Variants in IFT27 observed in about 807,000 individuals in gnomAD.
IFT27 encodes the protein intraflagellar transport protein 27 homolog.
IFT27 carries 19 observed loss-of-function variants against 23.9 expected under a neutral mutation model. The ratio of observed to expected loss-of-function variants is 0.79; its 90% confidence interval spans 0.55 to 1.16. IFT27 has a LOEUF of 1.16. Among genes scored for constraint, IFT27 ranks in the 50% most tolerant of loss-of-function variants. The pLI is 0.00. For synonymous variants in IFT27, 91 were observed against 89.1 expected (o/e 1.02, Z -0.12); for missense variants, 206 against 228.7 (o/e 0.90, Z 0.64).
At chr22:36,771,443 G>A (rs1203529095) in intron 1 of IFT27, among the ~76,000 whole-genome samples, 1 of 152,206 alleles carries the variant, frequency 6.6e-6, no homozygotes, top group African/African-American at 2.4e-5. Flanking sequence ...TTTGGAACTG[G>A]TTTGGTGTGT....
At chr22:36,766,088 GT>G in intron 4 of IFT27, 49 bp downstream of exon 4, 2 of 1,470,942 alleles carry the variant, frequency 1.4e-6, no homozygotes, top group Non-Finnish European at 1.9e-6. Context: ...AGGGGTAAAC[GT>G]TTTGGCAGGA....
intron 4 of IFT27, among the ~76,000 whole-genome samples, chr22:36,765,537 T>C (rs1938222384): frequency 6.6e-6 from 1 of 152,212 alleles, no homozygotes; most frequent in Admixed American, 6.5e-5. Flanking sequence ...AAAATGTGGC[T>C]GTTCTTGGAA....
chr22:36,764,015 A>AT lies in IFT27; in HGVS notation c.255dup (p.Cys86MetfsTer5), dbSNP rs1411714114. The stretch of plus-strand genomic sequence containing the variant: ...TCATTGGTCACATCATAGACGAGAC[A>AT]TAAGACATTGGGACTCTCCCACTGT... On this transcript the variant is annotated frameshift_variant, in exon 5 of 7. Transcript: ENST00000433985. LOFTEE classifies it high-confidence loss of function. 1.9e-6 allele frequency: 3 copies of AT among 1,613,870 alleles called. No homozygotes were observed. Among genetic ancestry groups the AT allele is most frequent in the Non-Finnish European group, 1.7e-6 (2 of 1,179,670 alleles).
rs749253638 is a variant in IFT27, at chr22:36,766,152, T to G, written c.220A>C (p.Met74Leu). Reference protein sequence around the residue: ...DSAGKELFSEMLDKLWESPNV... With the variant: ...DSAGKELFSELLDKLWESPNV... ...GTGCTACTTGCCAATTTATCCAGCATTTCCGAAAACAGCTCCTTGCCAGCA... is the reference window on the plus strand; with the variant it reads ...GTGCTACTTGCCAATTTATCCAGCAGTTCCGAAAACAGCTCCTTGCCAGCA... Residue 74 changes from methionine (M) to leucine (L), a missense_variant, in exon 4 of 7, where the codon ATG becomes CTG. Met to Leu is a conservative substitution (Grantham distance 15). Transcript: ENST00000433985. The G allele has an allele frequency of 6.2e-7, 1 of 1,614,156 alleles. No homozygotes were observed. Among genetic ancestry groups the G allele is most frequent in the Admixed American group, 1.7e-5 (1 of 60,030 alleles).
chr22:36,769,292 C>T (rs958141725), intron 1 of IFT27, among the ~76,000 whole-genome samples: 2 of 152,126 alleles, frequency 1.3e-5, no homozygotes, highest in African/African-American at 2.4e-5. Flanking sequence ...CTGGGTAACT[C>T]GCCCAGGATT....
intron 1 of IFT27, among the ~76,000 whole-genome samples, chr22:36,773,854 A>G (rs1938440417): frequency 6.6e-6 from 1 of 152,164 alleles, no homozygotes. Flanking sequence ...GGATGGCAAT[A>G]ATGCCAATCC....
In IFT27 at chr22:36,762,957, C is replaced by T. The variant is rs1321273953; in HGVS notation, c.409G>A (p.Glu137Lys). ...LAGRRAVDSA[E>K]ARAWALGQGL... ...TGGCCCAGCGCCCATGCCCGGGCCTCAGCTGAGTCCACTGCTCGTCTGCCG... is the reference window on the plus strand; with the variant it reads ...TGGCCCAGCGCCCATGCCCGGGCCTTAGCTGAGTCCACTGCTCGTCTGCCG... The change falls in exon 6 of 7, where the codon GAG becomes AAG. Residue 137 changes from glutamate to lysine, a missense_variant. Physicochemically the swap from Glu to Lys is moderately conservative, Grantham distance 56. Transcript: ENST00000433985. The T allele has an allele frequency of 1.2e-6, 2 of 1,603,992 alleles. No homozygotes were observed. Among genetic ancestry groups the T allele is most frequent in the Admixed American group, 1.7e-5 (1 of 59,244 alleles).
rs1193679065 is a variant in IFT27 at position 36,767,218 on chromosome 22, A to G, written c.174+88T>C. On this transcript the variant is annotated intron_variant, in intron 3 of 6. Coordinates refer to ENST00000433985, the MANE Select transcript of IFT27 (RefSeq NM_001177701.3). ...AGTCTAGACCACAGCCTTGCACTGC[A>G]TCTCTCCTAGGGAGGATGGTGTGAC... is the stretch of plus-strand genomic sequence containing the variant. 6 of 1,044,408 alleles carry G rather than the reference A, an allele frequency of 5.7e-6. No individual in the cohort carries two copies. In the South Asian group the frequency reaches 7.8e-5, roughly 14 times the overall value. The allele number at this position is 1,044,408 out of a possible 1,614,324, so 64.7% of individuals were successfully genotyped here.
intron 5 of IFT27, chr22:36,763,317 T>G (rs1484179009): frequency 1.0e-5 from 3 of 299,322 alleles, no homozygotes; most frequent in Admixed American, 4.7e-5. Context: ...AGGGCCAAAT[T>G]TATGTGAGCC....
chr22:36,767,297 A>T lies in IFT27; in HGVS notation c.174+9T>A, dbSNP rs202091234. 5.2e-4 allele frequency: 838 copies of T among 1,612,684 alleles called. 3 individuals carry two copies. The highest frequency in any genetic ancestry group is 6.7e-4 in the Non-Finnish European group (784 of 1,178,902). On this transcript the variant is annotated intron_variant, in intron 3 of 6. Transcript: ENST00000433985. ...GCCCTGAGTTCCCCTGGGTAAAGGC[A>T]TCACTCACCACACTGTCTCCCGTGT... is the stretch of plus-strand genomic sequence containing the variant.
chr22:36,764,400 C>T (rs1030061409), intron 4 of IFT27, among the ~76,000 whole-genome samples: 1 of 152,228 alleles, frequency 6.6e-6, no homozygotes, highest in Non-Finnish European at 1.5e-5. Flanking sequence ...CCAGGCCTGA[C>T]AGGCTTTAAA....
In IFT27 at chr22:36,761,040, G is replaced by A. The variant is rs143443232; in HGVS notation, c.462+1864C>T. 2.3e-3 allele frequency: 367 copies of A among 160,024 alleles called. 6 individuals are homozygous for A. The highest frequency in any genetic ancestry group is 1.5e-3 in the Non-Finnish European group (99 of 68,080). 9.9% of individuals were successfully genotyped at this position (160,024 alleles called of 1,614,324 possible). On this transcript the variant is annotated intron_variant, in intron 6 of 6. Transcript: ENST00000433985. ...CAGCTTTCTTAACCGAGCTGCCAGC[G>A]GTGCTTCTGTGAGCCTCAACTCAGG...
At chr22:36,763,244 T>G in intron 5 of IFT27, 1 of 430,928 alleles carries the variant, frequency 2.3e-6, no homozygotes, top group South Asian at 6.1e-5. Context: ...CTAGGTCTTT[T>G]TCTAGACCTC....
At chr22:36,768,028 A>G (rs1938298904) in intron 1 of IFT27, 166 bp from the exon 2 acceptor site, 1 of 716,286 alleles carries the variant, frequency 1.4e-6, no homozygotes, top group Non-Finnish European at 2.6e-6. Flanking sequence ...GCACAGGTCC[A>G]TGAGACTGAT....
At chr22:36,759,492 G>T (rs917541192) in intron 6 of IFT27, 1 of 152,168 alleles carries the variant, frequency 6.6e-6, no homozygotes, top group Non-Finnish European at 1.5e-5. Flanking sequence ...ACAGGGACAG[G>T]CTGGAGGGCA....
intron 1 of IFT27, among the ~76,000 whole-genome samples, chr22:36,771,633 C>A (rs1027360301): frequency 1.3e-5 from 2 of 152,220 alleles, no homozygotes; most frequent in African/African-American, 4.8e-5. Flanking sequence ...CTTCTGACAA[C>A]CCCGACCTCT....
chr22:36,763,912 C>T lies in IFT27; in HGVS notation c.352+7G>A, dbSNP rs758046955. 8 of 1,590,650 alleles carry T rather than the reference C, an allele frequency of 5.0e-6. No homozygotes were observed. In the Admixed American group the frequency reaches 1.2e-4, roughly 23 times the overall value. The stretch of plus-strand genomic sequence containing the variant: ...CGCTGGGAAACATGGGTGTCTGCAG[C>T]CCGTACCTGGGAGAGAGATGCCTGG... On this transcript the variant is annotated splice_region_variant and intron_variant, in intron 5 of 6. Coordinates refer to ENST00000433985, the MANE Select transcript of IFT27 (RefSeq NM_001177701.3).
chr22:36,774,456 G>T (rs1050735787), intron 1 of IFT27, among the ~76,000 whole-genome samples: 2 of 152,150 alleles, frequency 1.3e-5, no homozygotes, highest in African/African-American at 2.4e-5. Flanking sequence ...CCTGCATAGG[G>T]CCTTCACTAG....
intron 1 of IFT27, among the ~76,000 whole-genome samples, chr22:36,773,568 C>T (rs780133239): frequency 1.3e-5 from 2 of 149,848 alleles, no homozygotes; most frequent in Admixed American, 6.7e-5. Context: ...GCAGAAGAAT[C>T]GCTTGAACCC....
Sources: allele counts gnomAD v4.1 joint callset (sites outside exome capture counted in the v4.1 genomes callset), GRCh38; gene constraint gnomAD v4.1.1; transcripts MANE v1.5; gene names NCBI Gene and HGNC (gene_info 2026-07-23, HGNC 2026-07-21).